Variants in SIPA1 observed in about 807,000 individuals in gnomAD.
SIPA1 encodes signal-induced proliferation-associated 1.
In SIPA1, 51 loss-of-function variants were observed where a neutral mutation model predicts 88.1. That is an observed-to-expected ratio of 0.58 (90% CI 0.46 to 0.73). SIPA1 has a LOEUF of 0.73. Among genes scored for constraint, SIPA1 ranks in the 30% least tolerant of loss-of-function variants. The probability of loss-of-function intolerance (pLI) is 0.00; values close to 1 mark genes in which losing one functional copy is unlikely to be tolerated. For missense variants in SIPA1, 1,348 were observed against 1,467.6 expected (o/e 0.92, Z 1.33); for synonymous variants, 681 against 664.8 (o/e 1.02, Z -0.37).
At position 65,646,768 on chromosome 11, in the gene SIPA1, G is replaced by C. The variant is rs747116318; in HGVS notation, c.1734G>C (p.Ala578=). 11 of 1,484,006 alleles carry C rather than the reference G, an allele frequency of 7.4e-6. No homozygotes were observed. Among genetic ancestry groups the C allele is most frequent in the Non-Finnish European group, 9.8e-6 (11 of 1,124,716 alleles). 91.9% of individuals were successfully genotyped at this position (1,484,006 alleles called of 1,614,324 possible). ...PRGPGAELQA[A]GSLVWGVRAA... ...GCCCAGGCGCCGAGCTGCAGGCAGC[G>C]GGCTCACTGGTGTGGGGAGTGCGCG... Residue 578 remains alanine (A), a synonymous_variant, in exon 8 of 16, where the codon GCG becomes GCC. Transcript: ENST00000534313. This position sits in a 1 kb window ranked among gnomAD's most constrained non-coding sequence, Gnocchi z 7.5.
In SIPA1 at chr11:65,642,901, C is replaced by CTTTCTTTCTTTATTTA. The variant is rs1555003564; in HGVS notation, c.984+265_984+266insCTTTCTTTATTTATTT. On this transcript the variant is annotated intron_variant, in intron 4 of 15. Transcript: ENST00000534313. This position sits in a 1 kb window ranked among gnomAD's most constrained non-coding sequence, Gnocchi z 6.5. ...CAGACCATCTGAATCAGAGTTTGCA[C>CTTTCTTTCTTTATTTA]TTTATTTATTTATTTATTTATTTAT... Among the ~76,000 whole-genome samples the CTTTCTTTCTTTATTTA allele has an allele frequency of 2.5e-4, 37 of 146,856 alleles. No individual in the cohort carries two copies. Among genetic ancestry groups the CTTTCTTTCTTTATTTA allele is most frequent in the African/African-American group, 9.2e-4 (36 of 39,296 alleles).
At position 65,646,880 on chromosome 11, in the gene SIPA1, G is replaced by A; in HGVS notation, c.1846G>A (p.Glu616Lys). The A allele has an allele frequency of 1.3e-6, 2 of 1,501,538 alleles. No individual in the cohort carries two copies. The highest frequency in any genetic ancestry group is 2.5e-5 in the South Asian group (2 of 80,346). The allele number at this position is 1,501,538 out of a possible 1,614,324, so 93.0% of individuals were successfully genotyped here. A position where few individuals can be genotyped will look rare whatever the true frequency, so the allele number is the denominator to read the frequency against. ...GCCCTGCCTGCTGGGCATCTCGGCC[G>A]AGGCTCTGGTGCTGGTGGCGCCGCG... ...EVPCLLGISA[E>K]ALVLVAPRDG... Residue 616 changes from glutamate to lysine, a missense_variant, in exon 8 of 16, where the codon GAG (glutamate) becomes AAG (lysine). Glu to Lys is a moderately conservative substitution (Grantham distance 56). Coordinates refer to ENST00000534313, the MANE Select transcript of SIPA1 (RefSeq NM_006747.4). The surrounding 1 kb of genome is among the most constrained non-coding windows in gnomAD (Gnocchi z 7.5).
chr11:65,647,745 T>C, intron 9 of SIPA1, 87 bp downstream of exon 9: 6 of 1,106,392 alleles, frequency 5.4e-6, no homozygotes, highest in Non-Finnish European at 6.9e-6. Context: ...ATCAGCAGTT[T>C]CAGGAACCCA....
At chr11:65,647,879 T>C (rs1856167747) in intron 9 of SIPA1, among the ~76,000 whole-genome samples, 1 of 151,934 alleles carries the variant, frequency 6.6e-6, no homozygotes, top group Non-Finnish European at 1.5e-5. Flanking sequence ...TCTCTCTTTT[T>C]TTTTTTTTTG....
At position 65,646,985 on chromosome 11, in the gene SIPA1, C is replaced by G; in HGVS notation, c.1951C>G (p.His651Asp). Reference protein sequence around the residue: ...TFSEQQLDLYHGRGEAITLRF... With the variant: ...TFSEQQLDLYDGRGEAITLRF... ...CTCCGAGCAGCAGCTGGACCTGTACCACGGCCGCGGGGAGGCGATCACGCT... is the reference window on the plus strand; with the variant it reads ...CTCCGAGCAGCAGCTGGACCTGTACGACGGCCGCGGGGAGGCGATCACGCT... The change falls in exon 8 of 16, where the codon CAC becomes GAC. Residue 651 changes from histidine to aspartate, a missense_variant. Coordinates refer to ENST00000534313, the MANE Select transcript of SIPA1 (RefSeq NM_006747.4). The surrounding 1 kb of genome is among the most constrained non-coding windows in gnomAD (Gnocchi z 7.5). 6.5e-7 allele frequency: 1 copy of G among 1,539,980 alleles called. No homozygotes were observed. The highest frequency in any genetic ancestry group is 8.7e-7 in the Non-Finnish European group (1 of 1,148,502).
intron 1 of SIPA1, chr11:65,639,277 T>G (rs1040371091): frequency 6.6e-6 from 1 of 152,080 alleles, no homozygotes; most frequent in African/African-American, 2.4e-5. Flanking sequence ...CCCGGCTAAT[T>G]TTTATGTTTT....
chr11:65,648,763 G>C (rs1856188943), intron 9 of SIPA1, among the ~76,000 whole-genome samples: 1 of 151,980 alleles, frequency 6.6e-6, no homozygotes, highest in South Asian at 2.1e-4. Context: ...AACCCAGGAG[G>C]TGGAGGAGGT....
chr11:65,647,478 C>G lies in SIPA1; in HGVS notation c.2126C>G (p.Thr709Arg), dbSNP rs199717374. 2.7e-6 allele frequency: 4 copies of G among 1,473,092 alleles called. No individual in the cohort carries two copies. In the African/African-American group the frequency reaches 5.9e-5, roughly 22 times the overall value. 91.3% of individuals were successfully genotyped at this position (1,473,092 alleles called of 1,614,324 possible). Residue 709 changes from threonine to arginine, a missense_variant, in exon 9 of 16, where the codon ACG (threonine) becomes AGG (arginine). By Grantham distance (71) the Thr-to-Arg change is moderately conservative (BLOSUM62 -1). This residue lies in a region of SIPA1 where 615 missense variants were observed against 559.8 expected (regional missense o/e 1.10). Coordinates refer to ENST00000534313, the MANE Select transcript of SIPA1 (RefSeq NM_006747.4). ...GAGGTGGACGCCGAGGGATTCGTCA[C>G]GCACGTGGAGCGCTTCACATTCGCC... ...GFEVDAEGFV[T>R]HVERFTFAET...
chr11:65,647,585 G>T lies in SIPA1; in HGVS notation c.2233G>T (p.Ala745Ser). The change falls in exon 9 of 16, where the codon GCC (alanine) becomes TCC (serine). Residue 745 changes from alanine (A) to serine (S), a missense_variant. Around this residue, in one of 4 missense-constraint regions of SIPA1, gnomAD observed 615 missense variants for 559.8 expected, o/e 1.10. Coordinates refer to ENST00000534313, the MANE Select transcript of SIPA1 (RefSeq NM_006747.4). ...TLPSLRPEAA[A>S]QLLRSAPKVC... The stretch of plus-strand genomic sequence containing the variant: ...GCCCAGCCTCCGGCCCGAGGCCGCT[G>T]CCCAGCTCCTGCGCTCGGCGCCCAA... 7.3e-7 allele frequency: 1 copy of T among 1,378,690 alleles called. No homozygotes were observed. Among genetic ancestry groups the T allele is most frequent in the African/African-American group, 1.5e-5 (1 of 64,990 alleles). 85.4% of individuals were successfully genotyped at this position (1,378,690 alleles called of 1,614,324 possible).
In SIPA1 at chr11:65,650,782, CCTGCGCAGAGGCGTGTCTTAGCA is replaced by C; in HGVS notation, c.*72_*94del. The C allele has an allele frequency of 6.9e-7, 1 of 1,452,368 alleles. No individual in the cohort carries two copies. The highest frequency in any genetic ancestry group is 9.1e-7 in the Non-Finnish European group (1 of 1,095,844). The allele number at this position is 1,452,368 out of a possible 1,614,324, so 90.0% of individuals were successfully genotyped here. On this transcript the variant is annotated 3_prime_UTR_variant, in exon 16 of 16. Coordinates refer to ENST00000534313, the MANE Select transcript of SIPA1 (RefSeq NM_006747.4). ...CACTGGGCCCTCCTCAGGAACTCTC[CCTGCGCAGAGGCGTGTCTTAGCA>C]CTGCCCCCCTCCCTAGCCCCTTATT...
rs759096178 is a variant in SIPA1, at chr11:65,647,456, G to A, written c.2104G>A (p.Val702Met). 8.1e-6 allele frequency: 12 copies of A among 1,483,974 alleles called. No individual in the cohort carries two copies. Among genetic ancestry groups the A allele is most frequent in the Non-Finnish European group, 8.9e-7 (1 of 1,125,840 alleles). 91.9% of individuals were successfully genotyped at this position (1,483,974 alleles called of 1,614,324 possible). A position where few individuals can be genotyped will look rare whatever the true frequency, so the allele number is the denominator to read the frequency against. Residue 702 changes from valine to methionine, a missense_variant, in exon 9 of 16, where the codon GTG (valine) becomes ATG (methionine). Coordinates refer to ENST00000534313, the MANE Select transcript of SIPA1 (RefSeq NM_006747.4). The stretch of plus-strand genomic sequence containing the variant: ...CGGTCAAGGCCGCCTGGGCTTCGAG[G>A]TGGACGCCGAGGGATTCGTCACGCA... ...RDGQGRLGFEVDAEGFVTHVE... is the reference protein window; with the variant it reads ...RDGQGRLGFEMDAEGFVTHVE...
chr11:65,641,307 C>A lies in SIPA1; in HGVS notation c.386C>A (p.Ala129Asp). 2 of 1,613,652 alleles carry A rather than the reference C, an allele frequency of 1.2e-6. No homozygotes were observed. Among genetic ancestry groups the A allele is most frequent in the Non-Finnish European group, 8.5e-7 (1 of 1,180,038 alleles). Reference sequence around the variant, plus strand: ...GTGCAAAGCCTGCTCTTTGATTGGGCTCCGAGGTCTCAGGGGATGGGGAGC... The same window carrying A: ...GTGCAAAGCCTGCTCTTTGATTGGGATCCGAGGTCTCAGGGGATGGGGAGC... ...YDVQSLLFDW[A>D]PRSQGMGSHS... The change falls in exon 2 of 16, where the codon GCT (alanine) becomes GAT (aspartate). Residue 129 changes from alanine (A) to aspartate (D), a missense_variant. Transcript: ENST00000534313.
chr11:65,646,993 C>A lies in SIPA1; in HGVS notation c.1959C>A (p.Arg653=), dbSNP rs1256993387. ...AGCAGCTGGACCTGTACCACGGCCGCGGGGAGGCGATCACGCTGCGCTTCG... is the reference window on the plus strand; with the variant it reads ...AGCAGCTGGACCTGTACCACGGCCGAGGGGAGGCGATCACGCTGCGCTTCG... ...SEQQLDLYHG[R]GEAITLRFDG... is the part of the protein sequence containing the mutation. Residue 653 remains arginine (R), a synonymous_variant, in exon 8 of 16, where the codon CGC becomes CGA. Transcript: ENST00000534313. This position sits in a 1 kb window ranked among gnomAD's most constrained non-coding sequence, Gnocchi z 7.5. 1 of 1,540,042 alleles carries A rather than the reference C, an allele frequency of 6.5e-7. No individual in the cohort carries two copies. Among genetic ancestry groups the A allele is most frequent in the South Asian group, 1.2e-5 (1 of 84,152 alleles).
At position 65,649,768 on chromosome 11, in the gene SIPA1, C is replaced by A. The variant is rs1223853858; in HGVS notation, c.2649C>A (p.Gly883=). 1 of 1,614,092 alleles carries A rather than the reference C, an allele frequency of 6.2e-7. No individual in the cohort carries two copies. The highest frequency in any genetic ancestry group is 1.7e-5 in the Admixed American group (1 of 60,032). The change falls in exon 12 of 16, where the codon GGC becomes GGA. Residue 883 remains glycine (G), a synonymous_variant. Coordinates refer to ENST00000534313, the MANE Select transcript of SIPA1 (RefSeq NM_006747.4). Reference sequence around the variant, plus strand: ...CTTCTGTGGCACAGGACAGGCCAGGCAGTCCCAGTGGCTCTGAGGACAAGG... The same window carrying A: ...CTTCTGTGGCACAGGACAGGCCAGGAAGTCCCAGTGGCTCTGAGGACAAGG... ...SETPLTQDRP[G]SPSGSEDKGN...
chr11:65,649,163 C>T, intron 9 of SIPA1, 99 bp from the exon 10 acceptor site: 2 of 855,232 alleles, frequency 2.3e-6, no homozygotes, highest in Non-Finnish European at 1.8e-6. Context: ...GGGGAGCTCT[C>T]CTGCTCCTGG....
rs1322117010 is a variant in SIPA1 at position 65,647,048 on chromosome 11, G to C, written c.2014G>C (p.Val672Leu). Reference sequence around the variant, plus strand: ...GTCCCCCGGCCAAGCCGTGGGCGAGGTGGTGGCGCGCCTGCAGGTGAGCTG... The same window carrying C: ...GTCCCCCGGCCAAGCCGTGGGCGAGCTGGTGGCGCGCCTGCAGGTGAGCTG... ...DGSPGQAVGE[V>L]VARLQLVSRG... The change falls in exon 8 of 16, where the codon GTG (valine) becomes CTG (leucine). Residue 672 changes from valine to leucine, a missense_variant. Around this residue, in one of 4 missense-constraint regions of SIPA1, gnomAD observed 615 missense variants for 559.8 expected, o/e 1.10. Transcript: ENST00000534313. The C allele has an allele frequency of 6.5e-7, 1 of 1,543,384 alleles. No homozygotes were observed. The highest frequency in any genetic ancestry group is 8.7e-7 in the Non-Finnish European group (1 of 1,150,950).
At chr11:65,639,461 G>T (rs1323185111) in intron 1 of SIPA1, among the ~76,000 whole-genome samples, 1 of 152,216 alleles carries the variant, frequency 6.6e-6, no homozygotes, top group East Asian at 1.9e-4. Context: ...CAGCATGGGA[G>T]TTTATTCAGG....
Position 65,645,085 on chromosome 11 carries a change from G to A in SIPA1, c.1115G>A (p.Arg372Gln), listed in dbSNP as rs138125862. 7.9e-5 allele frequency: 128 copies of A among 1,614,020 alleles called. No individual in the cohort carries two copies. The African/African-American group carries it at 1.5e-3, about 18-fold the overall frequency. ...CTCACCTTGCTGGGCGATGTGGTGC[G>A]GCTCAAAGGCTTTGAGAGTTACCGG... ...QFLTLLGDVVRLKGFESYRAQ... is the reference protein window; with the variant it reads ...QFLTLLGDVVQLKGFESYRAQ... Residue 372 changes from arginine to glutamine, a missense_variant, in exon 5 of 16, where the codon CGG becomes CAG. This residue lies in a region of SIPA1 where 641 missense variants were observed against 797.7 expected (regional missense o/e 0.80). Transcript: ENST00000534313.
rs1322480543 is a variant in SIPA1 at position 65,646,716 on chromosome 11, G to T, written c.1682G>T (p.Gly561Val). 2 of 1,536,936 alleles carry T rather than the reference G, an allele frequency of 1.3e-6. No individual in the cohort carries two copies. Among genetic ancestry groups the T allele is most frequent in the Non-Finnish European group, 1.7e-6 (2 of 1,144,198 alleles). The change falls in exon 8 of 16, where the codon GGT becomes GTT. Residue 561 changes from glycine to valine, a missense_variant. Gly to Val is a moderately radical substitution (Grantham distance 109). Coordinates refer to ENST00000534313, the MANE Select transcript of SIPA1 (RefSeq NM_006747.4). The surrounding 1 kb of genome is among the most constrained non-coding windows in gnomAD (Gnocchi z 7.5). ...SASRFGLPSL[G>V]GRRRAAPRGP... ...TCACGCTTCGGCCTGCCCTCCCTGG[G>T]TGGGAGGCGCCGGGCGGCCCCTCGG...
Sources: gnomAD v4.1 joint callset for allele counts (sites outside exome capture counted in the v4.1 genomes callset) on GRCh38, gnomAD v4.1.1 for gene constraint, gnomAD v4.1.1 regional missense constraint, Gnocchi (gnomAD v3.1) non-coding constraint, MANE v1.5 for transcripts, NCBI Gene and HGNC (gene_info 2026-07-23, HGNC 2026-07-21) for gene names.